SEMA3E: variants seen among roughly 807,000 people sequenced by gnomAD.
The protein encoded by SEMA3E is semaphorin 3E.
SEMA3E carries 49 observed loss-of-function variants against 93.6 expected under a neutral mutation model. The observed-to-expected ratio is 0.52, with a 90% CI of 0.42 to 0.66. The LOEUF is 0.66. SEMA3E is among the 30% of genes least tolerant of loss of function. SEMA3E has a pLI of 0.00. For missense variants in SEMA3E, 906 were observed against 964.8 expected, an observed-to-expected ratio of 0.94 and a Z score of 0.81; for synonymous variants, 363 against 330.7, an observed-to-expected ratio of 1.10 and a Z score of -1.06.
chr7:83,505,674 T>C (rs994831445), intron 1 of SEMA3E, among the ~76,000 whole-genome samples: 1 of 152,084 alleles, frequency 6.6e-6, no homozygotes, highest in Non-Finnish European at 1.5e-5. Flanking sequence ...ATTACAGAAT[T>C]AGTTCTATCA....
chr7:83,553,176 G>A (rs1323497075), intron 1 of SEMA3E, among the ~76,000 whole-genome samples: 2 of 152,086 alleles, frequency 1.3e-5, no homozygotes, highest in East Asian at 1.9e-4. Flanking sequence ...TCTTTATACT[G>A]TCTCTCTTTA....
intron 4 of SEMA3E, among the ~76,000 whole-genome samples, chr7:83,454,913 A>G (rs576998680): frequency 9.8e-5 from 15 of 152,324 alleles, no homozygotes; most frequent in South Asian, 6.2e-4. Flanking sequence ...TCCAGTCTAT[A>G]ACATTTAACT....
At chr7:83,494,108 G>T (rs187311030) in intron 1 of SEMA3E, among the ~76,000 whole-genome samples, 9 of 151,556 alleles carry the variant, frequency 5.9e-5, no homozygotes, top group Admixed American at 4.6e-4. Context: ...AAATATATCC[G>T]ATCAAATAAA....
intron 1 of SEMA3E, among the ~76,000 whole-genome samples, chr7:83,548,150 T>C (rs1299452708): frequency 6.6e-6 from 1 of 152,082 alleles, no homozygotes; most frequent in Non-Finnish European, 1.5e-5. Context: ...GGCCTTTCCT[T>C]TCTCCATTTT....
intron 5 of SEMA3E, among the ~76,000 whole-genome samples, chr7:83,412,836 A>G (rs1315358521): frequency 6.6e-6 from 1 of 152,018 alleles, no homozygotes; most frequent in Non-Finnish European, 1.5e-5. Context: ...TATCAAACGA[A>G]AGAAAAGGCT....
intron 1 of SEMA3E, among the ~76,000 whole-genome samples, chr7:83,569,327 A>G (rs1241827471): frequency 2.6e-5 from 4 of 152,260 alleles, no homozygotes; most frequent in East Asian, 3.9e-4. Flanking sequence ...AAGCAATTAC[A>G]TAATTAAGTC....
At chr7:83,470,870 T>C (rs943339566) in intron 2 of SEMA3E, among the ~76,000 whole-genome samples, 6 of 129,098 alleles carry the variant, frequency 4.6e-5, no homozygotes, top group African/African-American at 1.4e-4. Flanking sequence ...TTCTTTTTTT[T>C]TTTTTTTTGG....
intron 1 of SEMA3E, among the ~76,000 whole-genome samples, chr7:83,594,293 G>A (rs1242369080): frequency 6.6e-6 from 1 of 152,114 alleles, no homozygotes; most frequent in Non-Finnish European, 1.5e-5. Context: ...TTTATTTAGC[G>A]CTTTGTTCCA....
rs1302863294 is a variant in SEMA3E at position 83,363,299 on chromosome 7, A to C, written c.*4287T>G. On this transcript the variant is annotated 3_prime_UTR_variant, in exon 17 of 17. Transcript: ENST00000643230. ...AAGTTGAGCCAAATAGAGATTGTACATAATGGTACATAGCGCGTAGTGGCA... is the reference window on the plus strand; with the variant it reads ...AAGTTGAGCCAAATAGAGATTGTACCTAATGGTACATAGCGCGTAGTGGCA... 1.3e-5 allele frequency: 2 copies of C among 152,234 alleles called. No homozygotes were observed. Among genetic ancestry groups the C allele is most frequent in the Non-Finnish European group, 2.9e-5 (2 of 68,052 alleles). 9.4% of individuals were successfully genotyped at this position (152,234 alleles called of 1,614,324 possible). A position where few individuals can be genotyped will look rare whatever the true frequency, so the allele number is the denominator to read the frequency against.
intron 16 of SEMA3E, among the ~76,000 whole-genome samples, chr7:83,368,719 A>G (rs781336705): frequency 6.6e-5 from 10 of 152,218 alleles, no homozygotes; most frequent in Non-Finnish European, 1.5e-4. Flanking sequence ...TCAGTGCTCA[A>G]ATATCTTTTG....
chr7:83,624,503 T>G (rs1351625840), intron 1 of SEMA3E, among the ~76,000 whole-genome samples: 1 of 152,224 alleles, frequency 6.6e-6, no homozygotes, highest in Non-Finnish European at 1.5e-5. Flanking sequence ...CTATGTTTGT[T>G]GGCCACTTAA....
chr7:83,577,496 A>G (rs960591067), intron 1 of SEMA3E, among the ~76,000 whole-genome samples: 3 of 152,174 alleles, frequency 2.0e-5, no homozygotes, highest in Non-Finnish European at 4.4e-5. Context: ...GCGAGTAGCC[A>G]TTTCATCAAT....
intron 4 of SEMA3E, among the ~76,000 whole-genome samples, chr7:83,422,271 G>A (rs1056840304): frequency 3.0e-4 from 46 of 152,102 alleles, no homozygotes; most frequent in Admixed American, 3.9e-4. Context: ...TATATTCTAA[G>A]CCAAAAAAGT....
At chr7:83,494,107 C>T (rs993180448) in intron 1 of SEMA3E, among the ~76,000 whole-genome samples, 1 of 151,488 alleles carries the variant, frequency 6.6e-6, no homozygotes, top group Non-Finnish European at 1.5e-5. Context: ...CAAATATATC[C>T]GATCAAATAA....
chr7:83,431,514 T>C (rs993635051), intron 4 of SEMA3E, among the ~76,000 whole-genome samples: 1 of 152,160 alleles, frequency 6.6e-6, no homozygotes, highest in African/African-American at 2.4e-5. Context: ...CAAGCCATTT[T>C]CCTGCCTCAG....
chr7:83,460,842 T>C (rs763911948), intron 4 of SEMA3E, among the ~76,000 whole-genome samples: 3 of 151,602 alleles, frequency 2.0e-5, no homozygotes, highest in Middle Eastern at 3.4e-3. Context: ...TTCCCACTTT[T>C]CTGGAAGGTA....
At position 83,469,397 on chromosome 7, in the gene SEMA3E, CCT is replaced by C; in HGVS notation, c.277-97_277-96del. The C allele has an allele frequency of 1.6e-5, 9 of 576,244 alleles. No homozygotes were observed. The South Asian group carries it at 2.0e-4, about 13-fold the overall frequency. The allele number at this position is 576,244 out of a possible 1,614,324, so 35.7% of individuals were successfully genotyped here. On this transcript the variant is annotated intron_variant, in intron 2 of 16. Transcript: ENST00000643230. ...CTTTCTTCTACAGTTCAAAACATTT[CCT>C]TTTTTTTTTTTTTCTGTTTTCTGAT... is the stretch of plus-strand genomic sequence containing the variant.
intron 4 of SEMA3E, among the ~76,000 whole-genome samples, chr7:83,458,532 A>T (rs1789540105): frequency 6.6e-6 from 1 of 152,046 alleles, no homozygotes; most frequent in Non-Finnish European, 1.5e-5. Context: ...ATTATCTTCA[A>T]CATCCCTGTC....
chr7:83,624,619 T>A (rs941138851), intron 1 of SEMA3E, among the ~76,000 whole-genome samples: 1 of 152,214 alleles, frequency 6.6e-6, no homozygotes, highest in Non-Finnish European at 1.5e-5. Context: ...AGATTCTGGA[T>A]GTTAGCCCTT....
Sources: allele counts gnomAD v4.1 joint callset (sites outside exome capture counted in the v4.1 genomes callset), GRCh38; gene constraint gnomAD v4.1.1; transcripts MANE v1.5; gene names NCBI Gene and HGNC (gene_info 2026-07-23, HGNC 2026-07-21).